AP2B1: variants seen among roughly 807,000 people sequenced by gnomAD.
AP2B1 encodes the protein adaptor related protein complex 2 subunit beta 1.
A neutral mutation model predicts 102.0 loss-of-function variants in AP2B1; 23 were observed. The observed-to-expected ratio is 0.23, with a 90% confidence interval of 0.16 to 0.32. The LOEUF (loss-of-function observed/expected upper bound fraction) is 0.32. Ranked by LOEUF, AP2B1 falls within the 10% of genes least tolerant of loss-of-function variation. The pLI is 1.00. For synonymous variants in AP2B1, 381 were observed against 421.2 expected, an observed-to-expected ratio of 0.90 and a Z score of 1.17; for missense variants, 541 against 1,157.4, an observed-to-expected ratio of 0.47 and a Z score of 7.73.
chr17:35,610,170 A>C (rs1476019504), intron 5 of AP2B1, among the ~76,000 whole-genome samples: 1 of 109,852 alleles, frequency 9.1e-6, no homozygotes, highest in Admixed American at 9.2e-5. Flanking sequence ...TTTGAGATGG[A>C]GTGTCACTCT....
At chr17:35,717,008 C>G (rs1362207816) in intron 20 of AP2B1, among the ~76,000 whole-genome samples, 187 bp from the exon 21 acceptor site, 1 of 152,220 alleles carries the variant, frequency 6.6e-6, no homozygotes, top group Non-Finnish European at 1.5e-5. Flanking sequence ...GATAGGCAGA[C>G]AAGTCATGAA....
intron 17 of AP2B1, among the ~76,000 whole-genome samples, chr17:35,677,378 A>G (rs923755177): frequency 8.5e-5 from 13 of 152,138 alleles, no homozygotes; most frequent in Non-Finnish European, 1.9e-4. Context: ...GCTTAACCCC[A>G]TGGTTACAAA....
chr17:35,666,370 T>G (rs1359058136), intron 14 of AP2B1, among the ~76,000 whole-genome samples: 1 of 152,228 alleles, frequency 6.6e-6, no homozygotes, highest in Non-Finnish European at 1.5e-5. Context: ...CAAATGTTAG[T>G]ATTATTCTCA....
intron 20 of AP2B1, among the ~76,000 whole-genome samples, chr17:35,713,211 C>G (rs1381861827): frequency 6.6e-6 from 1 of 152,228 alleles, no homozygotes; most frequent in Non-Finnish European, 1.5e-5. Flanking sequence ...GTCATGGCCT[C>G]ACGCCAATCG....
intron 2 of AP2B1, chr17:35,596,804 C>G (rs1358677153): frequency 4.8e-6 from 3 of 629,420 alleles, no homozygotes; most frequent in Non-Finnish European, 8.9e-6. Flanking sequence ...GCATGGGCCC[C>G]CGCAGCGCTG....
chr17:35,645,771 C>A (rs28661650), intron 12 of AP2B1, among the ~76,000 whole-genome samples: 8,549 of 152,236 alleles, frequency 0.056, 390 homozygotes, highest in East Asian at 0.14. Flanking sequence ...ATCACTTGAA[C>A]CCGGGAGGCA....
chr17:35,655,986 A>G (rs1156770213), intron 13 of AP2B1, among the ~76,000 whole-genome samples: 1 of 152,214 alleles, frequency 6.6e-6, no homozygotes, highest in Non-Finnish European at 1.5e-5. Context: ...AATTCCTTAT[A>G]TAATTTGGAT....
chr17:35,646,189 G>T (rs1048830530), intron 12 of AP2B1, among the ~76,000 whole-genome samples: 4 of 152,198 alleles, frequency 2.6e-5, no homozygotes, highest in Non-Finnish European at 5.9e-5. Flanking sequence ...TATGGGTCTA[G>T]CAGTACAGTA....
At chr17:35,634,275 A>G (rs1427174266) in intron 9 of AP2B1, among the ~76,000 whole-genome samples, 1 of 152,184 alleles carries the variant, frequency 6.6e-6, no homozygotes, top group Non-Finnish European at 1.5e-5. Context: ...TGGCTGTTGT[A>G]TCTTAGTGAT....
intron 3 of AP2B1, among the ~76,000 whole-genome samples, chr17:35,601,251 A>G (rs988538789): frequency 1.3e-5 from 2 of 152,362 alleles, no homozygotes; most frequent in Admixed American, 6.5e-5. Flanking sequence ...CAGGTATACT[A>G]TTAAGTGGGA....
Position 35,609,549 on chromosome 17 carries a change from G to A in AP2B1, c.525+1162G>A, listed in dbSNP as rs991714390. 9.2e-5 allele frequency among the ~76,000 whole-genome samples: 14 copies of A among 152,166 alleles called. No individual in the cohort carries two copies. In the East Asian group the frequency reaches 1.4e-3, roughly 15 times the overall value. On this transcript the variant is annotated intron_variant, in intron 5 of 21. Transcript: ENST00000610402. Reference sequence around the variant, plus strand: ...TTTTTAGTAGAGACGGGGCTTCACCGTGTTAGCCAGGATGGTCTTGATCTC... The same window carrying A: ...TTTTTAGTAGAGACGGGGCTTCACCATGTTAGCCAGGATGGTCTTGATCTC...
chr17:35,649,604 T>G (rs557154328), intron 12 of AP2B1, among the ~76,000 whole-genome samples: 2 of 152,302 alleles, frequency 1.3e-5, no homozygotes, highest in East Asian at 3.9e-4. Flanking sequence ...TAAGGCCGTC[T>G]CAACCAGTTA....
chr17:35,684,169 G>A (rs587622616), intron 18 of AP2B1, among the ~76,000 whole-genome samples: 133 of 152,290 alleles, frequency 8.7e-4, no homozygotes, highest in African/African-American at 3.0e-3. Context: ...TCTACTGAAA[G>A]TGAGCTCACA....
At chr17:35,698,163 A>G (rs4796103) in intron 18 of AP2B1, among the ~76,000 whole-genome samples, 75,670 of 152,034 alleles carry the variant, frequency 0.5, 18,888 homozygotes, top group East Asian at 0.52. Flanking sequence ...TTGGTGGGAA[A>G]TCGGTGTGAT....
At chr17:35,639,331 C>A (rs2074702112) in intron 10 of AP2B1, among the ~76,000 whole-genome samples, 1 of 152,110 alleles carries the variant, frequency 6.6e-6, no homozygotes, top group South Asian at 2.1e-4. Flanking sequence ...GAGACCCTGT[C>A]TCCCTGTCTC....
At chr17:35,620,513 C>A (rs2074144700) in intron 5 of AP2B1, among the ~76,000 whole-genome samples, 1 of 152,114 alleles carries the variant, frequency 6.6e-6, no homozygotes, top group African/African-American at 2.4e-5. Flanking sequence ...GCGAAACTTT[C>A]TCTAGAAACC....
At chr17:35,597,558 A>G (rs1387237806) in intron 2 of AP2B1, among the ~76,000 whole-genome samples, 3 of 152,232 alleles carry the variant, frequency 2.0e-5, no homozygotes, top group Admixed American at 2.0e-4. Context: ...TTATTAAAGT[A>G]CTGATTAAAG....
intron 3 of AP2B1, among the ~76,000 whole-genome samples, chr17:35,599,105 G>C (rs921360327): frequency 2.0e-5 from 3 of 152,168 alleles, no homozygotes; most frequent in Admixed American, 2.0e-4. Context: ...GTAAAAATTT[G>C]TTTTATTAAA....
intron 4 of AP2B1, 147 bp from the exon 5 acceptor site, chr17:35,607,995 A>G: frequency 3.2e-6 from 3 of 929,162 alleles, no homozygotes. Flanking sequence ...GTACTTAGGA[A>G]AGGAATAGCA....
Sources: gnomAD v4.1 joint callset for allele counts (sites outside exome capture counted in the v4.1 genomes callset) on GRCh38, gnomAD v4.1.1 for gene constraint, MANE v1.5 for transcripts, NCBI Gene and HGNC (gene_info 2026-07-23, HGNC 2026-07-21) for gene names.